The following KLHL29 variants were observed in gnomAD, a reference collection of about 807,000 sequenced individuals.
KLHL29 encodes the protein kelch like family member 29.
Under a neutral mutation model 80.4 loss-of-function variants are expected in KLHL29, and 21 were observed. The ratio of observed to expected loss-of-function variants is 0.26; its 90% CI spans 0.19 to 0.38. KLHL29 has a LOEUF of 0.38. KLHL29 is among the 10% of genes least tolerant of loss of function. The probability of loss-of-function intolerance (pLI) is 1.00; values close to 1 mark genes in which losing one functional copy is unlikely to be tolerated. For synonymous variants in KLHL29, 511 were observed against 526.8 expected (o/e 0.97, Z 0.41); for missense variants, 867 against 1,223.9 (o/e 0.71, Z 4.35).
intron 3 of KLHL29, among the ~76,000 whole-genome samples, chr2:23,620,108 G>A (rs1669131902): frequency 6.6e-6 from 1 of 152,200 alleles, no homozygotes; most frequent in Non-Finnish European, 1.5e-5. Context: ...GCGAGCCTCG[G>A]TGAGGGGGCC....
intron 3 of KLHL29, among the ~76,000 whole-genome samples, chr2:23,581,853 T>C (rs760375761): frequency 9.9e-6 from 1 of 100,954 alleles, no homozygotes; most frequent in Non-Finnish European, 2.1e-5. Context: ...AAAACTTTTA[T>C]TTGAGGTTCA....
intron 1 of KLHL29, among the ~76,000 whole-genome samples, chr2:23,420,497 T>C (rs1662769323): frequency 6.6e-6 from 1 of 152,176 alleles, no homozygotes; most frequent in Non-Finnish European, 1.5e-5. Context: ...CGTCTTCATC[T>C]CAGGGCCCTG....
intron 1 of KLHL29, among the ~76,000 whole-genome samples, chr2:23,392,431 A>C (rs1666341565): frequency 6.6e-6 from 1 of 152,210 alleles, no homozygotes; most frequent in African/African-American, 2.4e-5. Context: ...TCATAATTTT[A>C]GAGTTGATGT....
chr2:23,403,724 AGAGT>A (rs1426385260), intron 1 of KLHL29, among the ~76,000 whole-genome samples: 7 of 140,304 alleles, frequency 5.0e-5, no homozygotes, highest in Non-Finnish European at 7.6e-5. Flanking sequence ...AGAGAGAGAG[AGAGT>A]GTGTGTGTGT....
At chr2:23,579,474 C>T (rs1430796100) in intron 3 of KLHL29, among the ~76,000 whole-genome samples, 2 of 152,090 alleles carry the variant, frequency 1.3e-5, no homozygotes, top group African/African-American at 4.8e-5. Context: ...TCAGGTTTCC[C>T]GCCCACCCAG....
intron 2 of KLHL29, among the ~76,000 whole-genome samples, chr2:23,552,802 C>A (rs1345706453): frequency 7.8e-6 from 1 of 128,634 alleles, no homozygotes; most frequent in East Asian, 2.2e-4. Context: ...ACTGTGTCGC[C>A]AGGCTGAAGT....
intron 3 of KLHL29, among the ~76,000 whole-genome samples, chr2:23,601,852 G>A (rs1668579952): frequency 6.6e-6 from 1 of 152,192 alleles, no homozygotes; most frequent in Non-Finnish European, 1.5e-5. Flanking sequence ...CCCAGCCTTT[G>A]CACAGGGCCG....
At chr2:23,688,768 A>G (rs1024266203) in intron 6 of KLHL29, 5 of 152,404 alleles carry the variant, frequency 3.3e-5, no homozygotes, top group African/African-American at 9.6e-5. Flanking sequence ...AGTCCCTCCA[A>G]AGCCACATCA....
chr2:23,530,696 C>A (rs1666463598), intron 2 of KLHL29, among the ~76,000 whole-genome samples: 1 of 152,188 alleles, frequency 6.6e-6, no homozygotes, highest in Admixed American at 6.5e-5. Context: ...AGACTCCCAT[C>A]ACCTCAAGAT....
chr2:23,537,580 A>G (rs1397873332), intron 2 of KLHL29, among the ~76,000 whole-genome samples: 1 of 152,160 alleles, frequency 6.6e-6, no homozygotes, highest in Non-Finnish European at 1.5e-5. Context: ...ATAACCATAC[A>G]AGATACTAGG....
chr2:23,639,055 G>C (rs1272908883), intron 3 of KLHL29, 84 bp from the exon 4 acceptor site: 2 of 1,334,042 alleles, frequency 1.5e-6, no homozygotes, highest in South Asian at 1.8e-5. Flanking sequence ...TCTTGTTTTG[G>C]AGGCTAGGTC....
chr2:23,453,913 G>C (rs1263692044), intron 1 of KLHL29, among the ~76,000 whole-genome samples: 1 of 152,086 alleles, frequency 6.6e-6, no homozygotes, highest in Non-Finnish European at 1.5e-5. Context: ...GGAGGTTTTA[G>C]AACTGCATTT....
intron 1 of KLHL29, among the ~76,000 whole-genome samples, chr2:23,415,681 C>G (rs992717274): frequency 2.0e-5 from 3 of 151,848 alleles, no homozygotes; most frequent in African/African-American, 7.3e-5. Context: ...TTTATGTATC[C>G]TTAGATCTAA....
At chr2:23,655,804 G>A (rs1242390572) in intron 5 of KLHL29, among the ~76,000 whole-genome samples, 1 of 152,144 alleles carries the variant, frequency 6.6e-6, no homozygotes, top group Non-Finnish European at 1.5e-5. Context: ...TTTCCAGGAG[G>A]TGTGTAGACC....
chr2:23,539,145 A>G (rs1709337), intron 2 of KLHL29, among the ~76,000 whole-genome samples: 113,616 of 152,100 alleles, frequency 0.75, 43,242 homozygotes, highest in East Asian at 0.9. Flanking sequence ...GCAGCCACCC[A>G]GGGCTGATGA....
chr2:23,449,196 C>A (rs1025354074), intron 1 of KLHL29, among the ~76,000 whole-genome samples: 5 of 152,128 alleles, frequency 3.3e-5, no homozygotes, highest in Non-Finnish European at 7.3e-5. Flanking sequence ...TATTCTGTTT[C>A]TTCAGCAGGT....
At chr2:23,441,300 A>C (rs62125371) in intron 1 of KLHL29, among the ~76,000 whole-genome samples, 5 of 128,010 alleles carry the variant, frequency 3.9e-5, no homozygotes, top group Admixed American at 3.0e-4. Flanking sequence ...GGACACAGGA[A>C]GGGGAACATC....
chr2:23,589,113 A>G (rs1259342692), intron 3 of KLHL29, among the ~76,000 whole-genome samples: 1 of 152,218 alleles, frequency 6.6e-6, no homozygotes, highest in African/African-American at 2.4e-5. Context: ...AAGTTGCTCA[A>G]TAAATGTCTG....
chr2:23,395,301 C>T (rs755265666), intron 1 of KLHL29, among the ~76,000 whole-genome samples: 7 of 152,146 alleles, frequency 4.6e-5, no homozygotes, highest in Admixed American at 2.0e-4. Context: ...TGCCTAACCA[C>T]CTACATTGGC....
Sources: gnomAD v4.1 joint callset for allele counts (sites outside exome capture counted in the v4.1 genomes callset) on GRCh38, gnomAD v4.1.1 for gene constraint, MANE v1.5 for transcripts, NCBI Gene and HGNC (gene_info 2026-07-23, HGNC 2026-07-21) for gene names.